Variants in CTBP1 observed in about 807,000 individuals in gnomAD.
CTBP1 encodes the protein C-terminal binding protein 1, also known as C-terminal-binding protein 1.
A neutral mutation model predicts 42.1 loss-of-function variants in CTBP1; 11 were observed. That is an observed-to-expected ratio of 0.26 (90% CI 0.16 to 0.43). The LOEUF (loss-of-function observed/expected upper bound fraction) is 0.43. Ranked by LOEUF, CTBP1 falls within the 20% of genes least tolerant of loss-of-function variation. The probability of loss-of-function intolerance (pLI) is 1.00; values close to 1 mark genes in which losing one functional copy is unlikely to be tolerated. For missense variants in CTBP1, 399 were observed against 624.3 expected (o/e 0.64, Z 3.85); for synonymous variants, 324 against 277.1 (o/e 1.17, Z -1.68).
At chr4:1,242,787 G>T in intron 1 of CTBP1, 1 of 985,340 alleles carries the variant, frequency 1.0e-6, no homozygotes, top group Non-Finnish European at 1.2e-6. Context: ...ATGGTACCCG[G>T]ATACCACATA....
In CTBP1 at chr4:1,230,095, C is replaced by T. The variant is rs145549832; in HGVS notation, c.163-1752G>A. ...CGGGCCTCCTGGGAGGGCTTTGAGG[C>T]TGCATGCATGCAGACCCCTGGTGCA... On this transcript the variant is annotated intron_variant, in intron 3 of 9. Coordinates refer to ENST00000382952, the MANE Select transcript of CTBP1 (RefSeq NM_001012614.2). Among the ~76,000 whole-genome samples, 84 of 152,198 alleles carry T rather than the reference C, an allele frequency of 5.5e-4. 2 individuals carry two copies. In the East Asian group the frequency reaches 0.015, roughly 27 times the overall value.
intron 1 of CTBP1, chr4:1,243,588 C>T: frequency 8.1e-6 from 8 of 985,458 alleles, no homozygotes; most frequent in Non-Finnish European, 9.6e-6. Context: ...CAAAGCGCCC[C>T]CTGCCGGGCC....
At chr4:1,230,581 T>A (rs1436597832) in intron 3 of CTBP1, among the ~76,000 whole-genome samples, 1 of 152,122 alleles carries the variant, frequency 6.6e-6, no homozygotes, top group African/African-American at 2.4e-5. Flanking sequence ...CCACAGTGTG[T>A]GTGCAGAGGC....
At chr4:1,215,123 G>C (rs555645932) in intron 6 of CTBP1, among the ~76,000 whole-genome samples, 1 of 152,288 alleles carries the variant, frequency 6.6e-6, no homozygotes, top group East Asian at 1.9e-4. Context: ...GCCCATTAAA[G>C]CCTCACACCC....
Position 1,212,324 on chromosome 4 carries a change from A to G in CTBP1, c.1206T>C (p.Pro402=), listed in dbSNP as rs369652853. The G allele has an allele frequency of 4.6e-6, 7 of 1,505,984 alleles. No individual in the cohort carries two copies. Among genetic ancestry groups the G allele is most frequent in the African/African-American group, 1.4e-5 (1 of 69,076 alleles). 93.3% of individuals were successfully genotyped at this position (1,505,984 alleles called of 1,614,324 possible). A position where few individuals can be genotyped will look rare whatever the true frequency, so the allele number is the denominator to read the frequency against. Residue 402 remains proline (P), a synonymous_variant, in exon 10 of 10, where the codon CCT becomes CCC. Transcript: ENST00000382952. The part of the protein sequence containing the change: ...SAMSLSHGLP[P]VAHPPHAPSP... ...AAGGGGCGTGGGGCGGGTGGGCCAC[A>G]GGGGGCAGGCCGTGGGACAGGGACA...
At chr4:1,215,154 G>C (rs1728974603) in intron 6 of CTBP1, among the ~76,000 whole-genome samples, 1 of 152,162 alleles carries the variant, frequency 6.6e-6, no homozygotes, top group Non-Finnish European at 1.5e-5. Flanking sequence ...GGGACGGCAG[G>C]GCTCTGACCA....
chr4:1,216,188 C>G lies in CTBP1; in HGVS notation c.532G>C (p.Val178Leu). 1 of 1,610,290 alleles carries G rather than the reference C, an allele frequency of 6.2e-7. No homozygotes were observed. The change falls in exon 6 of 10, where the codon GTG becomes CTG. Residue 178 changes from valine (V) to leucine (L), a missense_variant. Transcript: ENST00000382952. Reference sequence around the variant, plus strand: ...CCGAAGGCCTTGGCCCGCAGCGCCACTGCCTGCCCCACGCGACCTGGTGGC... The same window carrying G: ...CCGAAGGCCTTGGCCCGCAGCGCCAGTGCCTGCCCCACGCGACCTGGTGGC... The part of the protein sequence containing the change: ...IIGLGRVGQA[V>L]ALRAKAFGFN...
At chr4:1,230,040 T>C (rs1730794949) in intron 3 of CTBP1, among the ~76,000 whole-genome samples, 1 of 152,146 alleles carries the variant, frequency 6.6e-6, no homozygotes, top group Admixed American at 6.5e-5. Flanking sequence ...GTAACACTCA[T>C]CAGTTCATGG....
Position 1,235,250 on chromosome 4 carries a change from A to C in CTBP1, c.162+2933T>G, listed in dbSNP as rs188129924. ...ACGCGCATTCCGAGTCTCCGGGATA[A>C]AGGAGTGTGGCCACTGGGCTGCATT... On this transcript the variant is annotated intron_variant, in intron 3 of 9. Coordinates refer to ENST00000382952, the MANE Select transcript of CTBP1 (RefSeq NM_001012614.2). This position sits in a 1 kb window ranked among gnomAD's most constrained non-coding sequence, Gnocchi z 4.2. 18 of 152,314 alleles carry C rather than the reference A, an allele frequency of 1.2e-4. No homozygotes were observed. The East Asian group carries it at 3.5e-3, about 29-fold the overall frequency. The allele number at this position is 152,314 out of a possible 1,614,324, so 9.4% of individuals were successfully genotyped here. A position where few individuals can be genotyped will look rare whatever the true frequency, so the allele number is the denominator to read the frequency against.
chr4:1,230,912 G>A (rs544753987), intron 3 of CTBP1, among the ~76,000 whole-genome samples: 1 of 152,398 alleles, frequency 6.6e-6, no homozygotes, highest in South Asian at 2.1e-4. Flanking sequence ...ACCCAGCTGA[G>A]CTGTGAAGCG....
intron 1 of CTBP1, 104 bp downstream of exon 1, chr4:1,248,812 C>CCCGCGGGCGCGCGCTCGGT (rs1733049948): frequency 9.7e-6 from 9 of 927,032 alleles, no homozygotes; most frequent in Middle Eastern, 5.5e-4. Flanking sequence ...AAGCCGGCGG[C>CCCGCGGGCGCGCGCTCGGT]CCGCGGGCGC....
At chr4:1,243,497 C>T in intron 1 of CTBP1, 1 of 985,390 alleles carries the variant, frequency 1.0e-6, no homozygotes, top group Non-Finnish European at 1.2e-6. Flanking sequence ...CCTGGTTCTC[C>T]TCCAGGGACC....
rs923204867 is a variant in CTBP1, at chr4:1,215,922, G to A, written c.729+69C>T. 3.0e-5 allele frequency: 45 copies of A among 1,492,782 alleles called. No individual in the cohort carries two copies. In the Admixed American group the frequency reaches 6.1e-4, roughly 20 times the overall value. 92.5% of individuals were successfully genotyped at this position (1,492,782 alleles called of 1,614,324 possible). A position where few individuals can be genotyped will look rare whatever the true frequency, so the allele number is the denominator to read the frequency against. On this transcript the variant is annotated intron_variant, in intron 6 of 9. Transcript: ENST00000382952. ...CCAGGTGCAGATGGCTGCTGGGAGGGACCTGCCTGACACCCCCACCTGTAC... is the reference window on the plus strand; with the variant it reads ...CCAGGTGCAGATGGCTGCTGGGAGGAACCTGCCTGACACCCCCACCTGTAC...
rs529492438 is a variant in CTBP1 at position 1,230,725 on chromosome 4, C to T, written c.163-2382G>A. ...GAACCGCGGCACGTCACCTCCCGCA[C>T]ATTCGGAGGAGACAGCGATCAGATT... On this transcript the variant is annotated intron_variant, in intron 3 of 9. Transcript: ENST00000382952. Among the ~76,000 whole-genome samples the T allele has an allele frequency of 2.0e-5, 3 of 152,376 alleles. No individual in the cohort carries two copies. The East Asian group carries it at 5.8e-4, about 29-fold the overall frequency.
In CTBP1 at chr4:1,214,338, G is replaced by C; in HGVS notation, c.860+5C>G. 1 of 1,544,964 alleles carries C rather than the reference G, an allele frequency of 6.5e-7. No homozygotes were observed. The highest frequency in any genetic ancestry group is 1.4e-5 in the African/African-American group (1 of 70,094). On this transcript the variant is annotated splice_donor_5th_base_variant and intron_variant, in intron 7 of 9. Coordinates refer to ENST00000382952, the MANE Select transcript of CTBP1 (RefSeq NM_001012614.2). ...GCAGGGGGGCGGCACTGGCCGTGGG[G>C]GCACCTGAAGGGTTCCGACTCGTGC...
intron 3 of CTBP1, chr4:1,236,379 C>A: frequency 1.9e-6 from 1 of 516,574 alleles, no homozygotes; most frequent in Non-Finnish European, 3.5e-6. Flanking sequence ...AAAGCCAGGC[C>A]GCGGGCAATG....
At chr4:1,244,357 G>GGA (rs1006647729) in intron 1 of CTBP1, 1 of 977,932 alleles carries the variant, frequency 1.0e-6, no homozygotes, top group East Asian at 1.1e-4. Flanking sequence ...TGGGCACTGG[G>GGA]GGGGGGGTGT....
At position 1,235,568 on chromosome 4, in the gene CTBP1, C is replaced by CACCGATCT; in HGVS notation, c.162+2614_162+2615insAGATCGGT. The CACCGATCT allele has an allele frequency of 6.6e-6, 1 of 152,192 alleles. No homozygotes were observed. Among genetic ancestry groups the CACCGATCT allele is most frequent in the Non-Finnish European group, 1.5e-5 (1 of 68,058 alleles). 9.4% of individuals were successfully genotyped at this position (152,192 alleles called of 1,614,324 possible). On this transcript the variant is annotated intron_variant, in intron 3 of 9. Transcript: ENST00000382952. The surrounding 1 kb of genome is among the most constrained non-coding windows in gnomAD (Gnocchi z 4.2). ...CCTCAGTTCCACCGATCAGCTTCGCCGTTTTCTCAGATCCGCATCTCATTT... is the reference window on the plus strand; with the variant it reads ...CCTCAGTTCCACCGATCAGCTTCGCCACCGATCTGTTTTCTCAGATCCGCATCTCATTT...
chr4:1,236,378 CCG>C (rs1731492897), intron 3 of CTBP1: 1 of 515,396 alleles, frequency 1.9e-6, no homozygotes, highest in Non-Finnish European at 3.5e-6. Context: ...CAAAGCCAGG[CCG>C]CGGGCAATGC....
Sources: allele counts gnomAD v4.1 joint callset (sites outside exome capture counted in the v4.1 genomes callset), GRCh38; gene constraint gnomAD v4.1.1; non-coding constraint Gnocchi (gnomAD v3.1); transcripts MANE v1.5; gene names NCBI Gene and HGNC (gene_info 2026-07-23, HGNC 2026-07-21).